Variants in MFHAS1 observed in about 807,000 individuals in gnomAD.
The protein encoded by MFHAS1 is malignant fibrous histiocytoma-amplified sequence 1.
MFHAS1 carries 50 observed loss-of-function variants against 70.4 expected under a neutral mutation model. The observed-to-expected ratio is 0.71, with a 90% CI of 0.57 to 0.90. The LOEUF is 0.90. Among genes scored for constraint, MFHAS1 ranks in the 40% least tolerant of loss-of-function variants. The probability of loss-of-function intolerance (pLI) is 0.00; values close to 1 mark genes in which losing one functional copy is unlikely to be tolerated. For missense variants in MFHAS1, 1,795 were observed against 1,347.6 expected, an observed-to-expected ratio of 1.33 and a Z score of -5.20; for synonymous variants, 952 against 620.0, an observed-to-expected ratio of 1.54 and a Z score of -7.96.
At chr8:8,830,413 C>G (rs373289507) in intron 1 of MFHAS1, among the ~76,000 whole-genome samples, 1 of 152,128 alleles carries the variant, frequency 6.6e-6, no homozygotes, top group Non-Finnish European at 1.5e-5. Flanking sequence ...ATTTTAAAAC[C>G]TGAATCAGGG....
At chr8:8,870,695 C>A (rs1005982315) in intron 1 of MFHAS1, among the ~76,000 whole-genome samples, 1 of 152,068 alleles carries the variant, frequency 6.6e-6, no homozygotes, top group East Asian at 1.9e-4. Flanking sequence ...CTCTCCGAGC[C>A]CCTGGAGATC....
At chr8:8,803,882 G>A (rs1361359900) in intron 1 of MFHAS1, among the ~76,000 whole-genome samples, 3 of 152,038 alleles carry the variant, frequency 2.0e-5, no homozygotes, top group Non-Finnish European at 4.4e-5. Flanking sequence ...TGAGGCAGGA[G>A]AATCACTGGA....
chr8:8,804,712 C>T (rs1172707256), intron 1 of MFHAS1, among the ~76,000 whole-genome samples: 1 of 152,224 alleles, frequency 6.6e-6, no homozygotes, highest in Non-Finnish European at 1.5e-5. Flanking sequence ...AAAGGCCACA[C>T]TCTTGATTAC....
chr8:8,877,275 CT>C (rs1482656981), intron 1 of MFHAS1, among the ~76,000 whole-genome samples: 1 of 115,730 alleles, frequency 8.6e-6, no homozygotes, highest in African/African-American at 3.1e-5. Context: ...ACACTCCAGC[CT>C]GGGTGACAGA....
Position 8,892,898 on chromosome 8 carries a change from G to A in MFHAS1, c.161C>T (p.Pro54Leu), listed in dbSNP as rs765332267. 9.5e-6 allele frequency: 15 copies of A among 1,572,620 alleles called. No individual in the cohort carries two copies. Among genetic ancestry groups the A allele is most frequent in the Non-Finnish European group, 1.3e-5 (15 of 1,162,108 alleles). Residue 54 changes from proline to leucine, a missense_variant, in exon 1 of 3, where the codon CCC (proline) becomes CTC (leucine). Physicochemically the swap from Pro to Leu is moderately conservative, Grantham distance 98 (BLOSUM62 -3). Coordinates refer to ENST00000276282, the MANE Select transcript of MFHAS1 (RefSeq NM_004225.3). This position sits in a 1 kb window ranked among gnomAD's most constrained non-coding sequence, Gnocchi z 4.7. ...GAGGTTGGCCGGCAGCACGAGCTGG[G>A]GGGAGGCGGGGGACTCGAGCGCGTC... ...GADALESPAS[P>L]QLVLPANLGD... is the part of the protein sequence containing the mutation.
chr8:8,784,656 C>T lies in MFHAS1; in HGVS notation c.*1366G>A, dbSNP rs1043664050. ...CTTTACAAAAGAAGTAAAAGAGTAG[C>T]GAGTACCAGCAACTCACTCTTCTTG... On this transcript the variant is annotated 3_prime_UTR_variant, in exon 3 of 3. Transcript: ENST00000276282. The T allele has an allele frequency of 9.9e-5, 15 of 152,098 alleles. No homozygotes were observed. Among genetic ancestry groups the T allele is most frequent in the African/African-American group, 3.6e-4 (15 of 41,404 alleles). The allele number at this position is 152,098 out of a possible 1,614,324, so 9.4% of individuals were successfully genotyped here. A position where few individuals can be genotyped will look rare whatever the true frequency, so the allele number is the denominator to read the frequency against.
chr8:8,817,272 A>C (rs1184586029), intron 1 of MFHAS1, among the ~76,000 whole-genome samples: 1 of 152,244 alleles, frequency 6.6e-6, no homozygotes, highest in East Asian at 1.9e-4. Context: ...AAGGAAAAAA[A>C]AAAAGCACTT....
intron 1 of MFHAS1, among the ~76,000 whole-genome samples, chr8:8,819,911 T>C (rs1323958070): frequency 1.3e-5 from 2 of 152,144 alleles, no homozygotes; most frequent in African/African-American, 4.8e-5. Flanking sequence ...TTACCCAGGC[T>C]GGTCTCAAAC....
At chr8:8,810,104 C>A (rs1428251231) in intron 1 of MFHAS1, among the ~76,000 whole-genome samples, 2 of 150,606 alleles carry the variant, frequency 1.3e-5, no homozygotes, top group East Asian at 3.9e-4. Context: ...CAGTGGCTCG[C>A]GCCTGTAATC....
At chr8:8,850,871 C>A (rs1808225111) in intron 1 of MFHAS1, among the ~76,000 whole-genome samples, 1 of 151,194 alleles carries the variant, frequency 6.6e-6, no homozygotes, top group Non-Finnish European at 1.5e-5. Context: ...GCACCCGCTA[C>A]ACACCAATTC....
chr8:8,839,805 C>G (rs2116851129), intron 1 of MFHAS1, among the ~76,000 whole-genome samples: 1 of 152,284 alleles, frequency 6.6e-6, no homozygotes, highest in South Asian at 2.1e-4. Context: ...GCTGAATCCA[C>G]CTGTTTCTAA....
intron 1 of MFHAS1, among the ~76,000 whole-genome samples, chr8:8,871,456 AC>A (rs2116909736): frequency 6.6e-6 from 1 of 152,300 alleles, no homozygotes; most frequent in Admixed American, 6.5e-5. Flanking sequence ...ACAATGAGGC[AC>A]AAGAATCATT....
chr8:8,846,152 C>T (rs1808021969), intron 1 of MFHAS1, among the ~76,000 whole-genome samples: 6 of 150,476 alleles, frequency 4.0e-5, no homozygotes, highest in Admixed American at 4.0e-4. Flanking sequence ...ACTCAGGAAG[C>T]TGAGGCAGGA....
intron 2 of MFHAS1, among the ~76,000 whole-genome samples, chr8:8,795,684 G>A (rs1217466817): frequency 1.3e-5 from 2 of 152,190 alleles, no homozygotes; most frequent in Non-Finnish European, 2.9e-5. Flanking sequence ...GAGTAAGAAT[G>A]CCACTGGGAA....
At chr8:8,886,033 C>T (rs1809740037) in intron 1 of MFHAS1, among the ~76,000 whole-genome samples, 1 of 152,156 alleles carries the variant, frequency 6.6e-6, no homozygotes, top group South Asian at 2.1e-4. Context: ...TCACTCAACC[C>T]ATTTGTCTTA....
intron 1 of MFHAS1, among the ~76,000 whole-genome samples, chr8:8,810,406 G>C (rs1004953694): frequency 6.6e-6 from 1 of 152,140 alleles, no homozygotes; most frequent in Non-Finnish European, 1.5e-5. Context: ...GTCAACTCCT[G>C]AACAACAAAG....
At chr8:8,881,951 T>A (rs1345946633) in intron 1 of MFHAS1, among the ~76,000 whole-genome samples, 3 of 152,208 alleles carry the variant, frequency 2.0e-5, no homozygotes, top group African/African-American at 4.8e-5. Context: ...ATTTGCATCC[T>A]GCTGCTAAGT....
At chr8:8,851,849 C>T (rs1461694675) in intron 1 of MFHAS1, among the ~76,000 whole-genome samples, 1 of 152,162 alleles carries the variant, frequency 6.6e-6, no homozygotes, top group East Asian at 1.9e-4. Context: ...ATAAAGATTT[C>T]CTGGCAGGTG....
chr8:8,831,490 T>C (rs1807385801), intron 1 of MFHAS1, among the ~76,000 whole-genome samples: 2 of 151,920 alleles, frequency 1.3e-5, no homozygotes, highest in East Asian at 1.9e-4. Flanking sequence ...ATGGGAAAAA[T>C]ACATCTCCAC....
Sources: gnomAD v4.1 joint callset for allele counts (sites outside exome capture counted in the v4.1 genomes callset) on GRCh38, gnomAD v4.1.1 for gene constraint, Gnocchi (gnomAD v3.1) non-coding constraint, MANE v1.5 for transcripts, NCBI Gene and HGNC (gene_info 2026-07-23, HGNC 2026-07-21) for gene names.